Variants in ARFIP1 observed in about 807,000 individuals in gnomAD.
ARFIP1 encodes arfaptin-1.
Under a neutral mutation model 42.5 loss-of-function variants are expected in ARFIP1, and 24 were observed. The observed-to-expected ratio is 0.57, with a 90% CI of 0.41 to 0.80. ARFIP1 has a LOEUF of 0.80. ARFIP1 is among the 30% of genes least tolerant of loss of function. The probability of loss-of-function intolerance (pLI) is 0.00; values close to 1 mark genes in which losing one functional copy is unlikely to be tolerated. For synonymous variants in ARFIP1, 141 were observed against 153.7 expected (o/e 0.92, Z 0.61); for missense variants, 354 against 434.0 (o/e 0.82, Z 1.64).
intron 2 of ARFIP1, among the ~76,000 whole-genome samples, chr4:152,834,095 A>G (rs1345534981): frequency 1.3e-5 from 2 of 152,176 alleles, no homozygotes; most frequent in Non-Finnish European, 2.9e-5. Context: ...TGGAGGTCCC[A>G]GACTCTTTTA....
intron 2 of ARFIP1, among the ~76,000 whole-genome samples, chr4:152,857,439 T>C (rs1212424965): frequency 6.6e-6 from 1 of 152,248 alleles, no homozygotes; most frequent in Non-Finnish European, 1.5e-5. Context: ...TCTGGAGGCT[T>C]AGTCCTAACC....
chr4:152,824,947 T>C (rs1276072370), intron 1 of ARFIP1, among the ~76,000 whole-genome samples: 4 of 151,268 alleles, frequency 2.6e-5, no homozygotes, highest in Non-Finnish European at 4.4e-5. Context: ...ACAATTGATA[T>C]ATATATACAC....
At chr4:152,840,713 CTT>C (rs764318893) in intron 2 of ARFIP1, among the ~76,000 whole-genome samples, 11 of 107,774 alleles carry the variant, frequency 1.0e-4, no homozygotes, top group Admixed American at 2.2e-4. Context: ...GGCTCTGTAT[CTT>C]TTTTTTTTTT....
At chr4:152,814,095 T>A (rs1729681392) in intron 1 of ARFIP1, among the ~76,000 whole-genome samples, 3 of 13,510 alleles carry the variant, frequency 2.2e-4, no homozygotes, top group East Asian at 2.3e-3. Flanking sequence ...TTTCTTCTTC[T>A]TCTTTTTTTT....
intron 2 of ARFIP1, among the ~76,000 whole-genome samples, chr4:152,853,516 A>T (rs1733162904): frequency 6.6e-6 from 1 of 152,194 alleles, no homozygotes; most frequent in Non-Finnish European, 1.5e-5. Flanking sequence ...TCTCCTGAGA[A>T]ATCCACTGAT....
chr4:152,896,063 G>C lies in ARFIP1; in HGVS notation c.966+7756G>C, dbSNP rs142088489. Among the ~76,000 whole-genome samples the C allele has an allele frequency of 1.4e-4, 21 of 152,186 alleles. No individual in the cohort carries two copies. The East Asian group carries it at 3.9e-3, about 28-fold the overall frequency. On this transcript the variant is annotated intron_variant, in intron 8 of 8. Coordinates refer to ENST00000353617, the MANE Select transcript of ARFIP1 (RefSeq NM_001025595.3). Reference sequence around the variant, plus strand: ...GGACTTGGCCAGGTGTGTGTGTTGCGGGGGAGGGGCTGGGGTATCATGGAA... The same window carrying C: ...GGACTTGGCCAGGTGTGTGTGTTGCCGGGGAGGGGCTGGGGTATCATGGAA...
chr4:152,786,657 A>G (rs1417614345), intron 1 of ARFIP1, among the ~76,000 whole-genome samples: 1 of 151,934 alleles, frequency 6.6e-6, no homozygotes, highest in Non-Finnish European at 1.5e-5. Flanking sequence ...TTGGATTATC[A>G]CTCTCCTTCT....
rs536942481 is a variant in ARFIP1 at position 152,834,323 on chromosome 4, A to G, written c.93+4597A>G. Among the ~76,000 whole-genome samples the G allele has an allele frequency of 1.2e-4, 18 of 152,278 alleles. No homozygotes were observed. In the South Asian group the frequency reaches 3.7e-3, roughly 32 times the overall value. ...TGTTCTCACATTTCAAAATGTAGTCATGCCTTCACAGTAGTTTCCTAAAGT... is the reference window on the plus strand; with the variant it reads ...TGTTCTCACATTTCAAAATGTAGTCGTGCCTTCACAGTAGTTTCCTAAAGT... On this transcript the variant is annotated intron_variant, in intron 2 of 8. Coordinates refer to ENST00000353617, the MANE Select transcript of ARFIP1 (RefSeq NM_001025595.3).
chr4:152,874,158 A>G (rs368721575), intron 5 of ARFIP1, among the ~76,000 whole-genome samples: 16 of 152,120 alleles, frequency 1.1e-4, no homozygotes, highest in African/African-American at 3.9e-4. Flanking sequence ...ATTATCTGCT[A>G]TTCTTGCATC....
chr4:152,883,191 T>C (rs1038820001), intron 7 of ARFIP1: 2 of 257,462 alleles, frequency 7.8e-6, no homozygotes, highest in Non-Finnish European at 1.5e-5. Flanking sequence ...ACTTGCTTCA[T>C]TGCCTTGAGA....
intron 1 of ARFIP1, among the ~76,000 whole-genome samples, chr4:152,819,122 G>A (rs1730148076): frequency 6.6e-6 from 1 of 152,072 alleles, no homozygotes; most frequent in Non-Finnish European, 1.5e-5. Context: ...ACCTCCCCTG[G>A]GTAACATAAG....
rs141624230 is a variant in ARFIP1, at chr4:152,783,247, C to G, written c.-10+3021C>G. 4.3e-3 allele frequency among the ~76,000 whole-genome samples: 648 copies of G among 152,206 alleles called. 4 individuals carry two copies. Among genetic ancestry groups the G allele is most frequent in the African/African-American group, 0.015 (606 of 41,520 alleles). On this transcript the variant is annotated intron_variant, in intron 1 of 8. Transcript: ENST00000353617. ...ATCGCTTGAACCCAGGAGGCGGAGG[C>G]TGCAGTAAGCCAAGATCCCACCACT...
At chr4:152,825,767 A>T (rs1730786448) in intron 1 of ARFIP1, among the ~76,000 whole-genome samples, 1 of 152,226 alleles carries the variant, frequency 6.6e-6, no homozygotes, top group Non-Finnish European at 1.5e-5. Context: ...GAATGGGAGA[A>T]AATATTTGCA....
intron 1 of ARFIP1, among the ~76,000 whole-genome samples, chr4:152,794,939 T>C (rs75594155): frequency 1.6e-3 from 238 of 152,310 alleles, no homozygotes; most frequent in African/African-American, 5.3e-3. Flanking sequence ...CCATCTGTTT[T>C]TGAAGTTTTC....
intron 1 of ARFIP1, among the ~76,000 whole-genome samples, chr4:152,800,254 T>C (rs1193872994): frequency 6.6e-6 from 1 of 152,192 alleles, no homozygotes; most frequent in African/African-American, 2.4e-5. Flanking sequence ...GTCAGATTTG[T>C]TACCAGAAGA....
intron 5 of ARFIP1, among the ~76,000 whole-genome samples, chr4:152,878,659 C>T (rs1310459176): frequency 6.6e-6 from 1 of 152,142 alleles, no homozygotes; most frequent in African/African-American, 2.4e-5. Flanking sequence ...TTACTCTTCC[C>T]ACTGCTTTGG....
At chr4:152,907,097 C>G (rs1364221760) in intron 8 of ARFIP1, among the ~76,000 whole-genome samples, 1 of 152,168 alleles carries the variant, frequency 6.6e-6, no homozygotes, top group South Asian at 2.1e-4. Context: ...TCTCTTTCTT[C>G]CCTCAATAGA....
chr4:152,829,054 G>A (rs916743165), intron 1 of ARFIP1, among the ~76,000 whole-genome samples: 8 of 152,122 alleles, frequency 5.3e-5, no homozygotes, highest in African/African-American at 1.9e-4. Flanking sequence ...CTGTTTCTGG[G>A]CTCCCTGTTC....
chr4:152,808,414 T>G (rs950388608), intron 1 of ARFIP1, among the ~76,000 whole-genome samples: 3 of 150,814 alleles, frequency 2.0e-5, no homozygotes, highest in African/African-American at 7.3e-5. Context: ...TTCCAGGTTT[T>G]GGCCATTATA....
Sources: allele counts gnomAD v4.1 joint callset (sites outside exome capture counted in the v4.1 genomes callset), GRCh38; gene constraint gnomAD v4.1.1; transcripts MANE v1.5; gene names NCBI Gene and HGNC (gene_info 2026-07-23, HGNC 2026-07-21).